PDE1A: variants seen among roughly 807,000 people sequenced by gnomAD.
PDE1A encodes dual specificity calcium/calmodulin-dependent 3',5'-cyclic nucleotide phosphodiesterase 1A.
PDE1A carries 35 observed loss-of-function variants against 61.7 expected under a neutral mutation model. The ratio of observed to expected loss-of-function variants is 0.57; its 90% CI spans 0.43 to 0.75. The LOEUF (loss-of-function observed/expected upper bound fraction) is 0.75. Among genes scored for constraint, PDE1A ranks in the 30% least tolerant of loss-of-function variants. PDE1A has a pLI of 0.00. For synonymous variants in PDE1A, 232 were observed against 213.2 expected (o/e 1.09, Z -0.77); for missense variants, 597 against 630.6 (o/e 0.95, Z 0.57).
intron 1 of PDE1A, among the ~76,000 whole-genome samples, chr2:182,343,857 T>C (rs1175775949): frequency 7.4e-6 from 1 of 136,028 alleles, no homozygotes; most frequent in Non-Finnish European, 1.5e-5. Context: ...AGTAATCTCT[T>C]AATCTTTTTC....
chr2:182,353,690 CCTAT>C (rs1247013655), intron 1 of PDE1A, among the ~76,000 whole-genome samples: 12 of 151,856 alleles, frequency 7.9e-5, no homozygotes, highest in Non-Finnish European at 1.8e-4. Context: ...AATATAAAAA[CCTAT>C]CTGTTTCAAT....
chr2:182,522,234 C>T (rs771719969), intron 2 of PDE1A: 8 of 1,537,836 alleles, frequency 5.2e-6, no homozygotes, highest in Non-Finnish European at 7.2e-6. Flanking sequence ...CGTTAATAGT[C>T]AAATCTTTTG....
chr2:182,348,310 C>T (rs1222154066), intron 1 of PDE1A, among the ~76,000 whole-genome samples: 2 of 152,094 alleles, frequency 1.3e-5, no homozygotes, highest in African/African-American at 4.8e-5. Flanking sequence ...TTGTTAGACT[C>T]TTTCAGTAAG....
intron 8 of PDE1A, among the ~76,000 whole-genome samples, chr2:182,202,768 C>G (rs1186479628): frequency 6.6e-6 from 1 of 152,186 alleles, no homozygotes; most frequent in East Asian, 1.9e-4. Flanking sequence ...AATACAATAA[C>G]CATGTCACAA....
intron 2 of PDE1A, among the ~76,000 whole-genome samples, chr2:182,514,901 T>C (rs1418975446): frequency 6.6e-6 from 1 of 152,206 alleles, no homozygotes; most frequent in Admixed American, 6.5e-5. Flanking sequence ...GTTCTATAGT[T>C]CTGCAGTTTT....
chr2:182,223,893 C>T lies in PDE1A; in HGVS notation c.747G>A (p.Gly249=), dbSNP rs1189465546. Residue 249 remains glycine (G), a synonymous_variant, in exon 7 of 14, where the codon GGG becomes GGA. Transcript: ENST00000351439. The stretch of plus-strand genomic sequence containing the variant: ...TCTGAATGTGAAAGTTGTTTGTTGT[C>T]CCTGTATGCTCATAATCATGAATGG... The T allele has an allele frequency of 2.5e-6, 4 of 1,595,904 alleles. No individual in the cohort carries two copies. In the African/African-American group the frequency reaches 4.1e-5, roughly 16 times the overall value.
At chr2:182,158,104 GCTT>G (rs1173341780) in intron 13 of PDE1A, among the ~76,000 whole-genome samples, 5 of 152,204 alleles carry the variant, frequency 3.3e-5, no homozygotes, top group African/African-American at 1.2e-4. Flanking sequence ...GAGAGAGCTA[GCTT>G]CATCTACTTA....
At chr2:182,706,676 A>G in the PDE1A span, among the ~76,000 whole-genome samples, 1 of 152,046 alleles carries the variant, frequency 6.6e-6, no homozygotes, top group Non-Finnish European at 1.5e-5. Flanking sequence ...CTTCCAAAGC[A>G]AGCAGAAGTT....
chr2:182,386,764 C>A (rs1344794110), intron 1 of PDE1A, among the ~76,000 whole-genome samples: 1 of 151,424 alleles, frequency 6.6e-6, no homozygotes. Flanking sequence ...GGAGGGCCAG[C>A]CCCCACCCGG....
chr2:182,624,714 C>T, the PDE1A span, among the ~76,000 whole-genome samples: 1 of 152,172 alleles, frequency 6.6e-6, no homozygotes, highest in Non-Finnish European at 1.5e-5. Context: ...TATACCTCAA[C>T]CACATTTCTT....
chr2:182,186,069 T>C, exon 13 of PDE1A: 1 of 1,613,742 alleles, frequency 6.2e-7, no homozygotes, highest in Non-Finnish European at 8.5e-7. Flanking sequence ...AACCCCACAA[T>C]GGTGGTTGAG....
the PDE1A span, among the ~76,000 whole-genome samples, chr2:182,562,121 C>A: frequency 2.0e-5 from 3 of 151,730 alleles, no homozygotes; most frequent in African/African-American, 7.3e-5. Flanking sequence ...GAGAGGGCAT[C>A]CCTGTCTTGT....
At chr2:182,694,893 A>G in the PDE1A span, among the ~76,000 whole-genome samples, 1 of 151,326 alleles carries the variant, frequency 6.6e-6, no homozygotes, top group Non-Finnish European at 1.5e-5. Flanking sequence ...AGAAATTATA[A>G]AAGTGATTGT....
intron 2 of PDE1A, among the ~76,000 whole-genome samples, chr2:182,461,899 A>T (rs1407170095): frequency 1.3e-5 from 2 of 152,144 alleles, no homozygotes; most frequent in Non-Finnish European, 2.9e-5. Context: ...TAGAAGAAAG[A>T]TATAAACTAG....
At chr2:182,400,528 C>T (rs1701944244) in intron 1 of PDE1A, among the ~76,000 whole-genome samples, 1 of 152,148 alleles carries the variant, frequency 6.6e-6, no homozygotes, top group African/African-American at 2.4e-5. Flanking sequence ...AGGAGACTCT[C>T]AACATCTCCT....
intron 2 of PDE1A, among the ~76,000 whole-genome samples, chr2:182,518,836 C>T (rs889328789): frequency 6.6e-6 from 1 of 152,048 alleles, no homozygotes; most frequent in African/African-American, 2.4e-5. Flanking sequence ...CTGAAAAATG[C>T]TCATTTTCAG....
intron 1 of PDE1A, among the ~76,000 whole-genome samples, chr2:182,409,320 T>C (rs1372206511): frequency 2.0e-5 from 3 of 152,176 alleles, no homozygotes; most frequent in Admixed American, 6.6e-5. Flanking sequence ...ATCTCAAATA[T>C]TGGATACAAA....
the PDE1A span, among the ~76,000 whole-genome samples, chr2:182,624,149 G>C: frequency 1.4e-5 from 2 of 146,108 alleles, no homozygotes; most frequent in Admixed American, 6.9e-5. Flanking sequence ...AAAAGAAGAA[G>C]ACAGGTTTTG....
the PDE1A span, among the ~76,000 whole-genome samples, chr2:182,572,762 CG>C: frequency 6.7e-6 from 1 of 148,368 alleles, no homozygotes; most frequent in African/African-American, 2.5e-5. Context: ...CCCAGCTACT[CG>C]GGAGGTGAGG....
Sources: gnomAD v4.1 joint callset for allele counts (sites outside exome capture counted in the v4.1 genomes callset) on GRCh38, gnomAD v4.1.1 for gene constraint, MANE v1.5 for transcripts, NCBI Gene and HGNC (gene_info 2026-07-23, HGNC 2026-07-21) for gene names.